Variants in VPS37A observed in about 807,000 individuals in gnomAD.
The protein encoded by VPS37A is vacuolar protein sorting-associated protein 37A.
A neutral mutation model predicts 49.8 loss-of-function variants in VPS37A; 30 were observed. The observed-to-expected ratio is 0.60, with a 90% CI of 0.45 to 0.82. The LOEUF is 0.82. Among genes scored for constraint, VPS37A ranks in the 40% least tolerant of loss-of-function variants. VPS37A has a pLI of 0.00. For missense variants in VPS37A, 593 were observed against 464.4 expected, an observed-to-expected ratio of 1.28 and a Z score of -2.55; for synonymous variants, 195 against 160.6, an observed-to-expected ratio of 1.21 and a Z score of -1.62.
chr8:17,290,572 C>T (rs1816048027), intron 11 of VPS37A, among the ~76,000 whole-genome samples: 1 of 152,160 alleles, frequency 6.6e-6, no homozygotes, highest in Non-Finnish European at 1.5e-5. Context: ...CTGCTGGATT[C>T]AGTTTGCCAG....
chr8:17,248,527 C>G (rs1339538084), intron 1 of VPS37A: 1 of 352,590 alleles, frequency 2.8e-6, no homozygotes, highest in African/African-American at 2.1e-5. Context: ...CCACCCGCTT[C>G]GGCCTCCCAA....
Position 17,246,959 on chromosome 8 carries a change from C to A in VPS37A, c.-286C>A, listed in dbSNP as rs1235105549. ...TGACGGCGGCGCGGGTGGTGGAGCGCTGGGCGGCCAGGCTCCCTGGCTGGC... is the reference window on the plus strand; with the variant it reads ...TGACGGCGGCGCGGGTGGTGGAGCGATGGGCGGCCAGGCTCCCTGGCTGGC... On this transcript the variant is annotated 5_prime_UTR_variant, in exon 1 of 12. It adds an upstream start codon to the 5' untranslated region. Transcript: ENST00000324849. 2.2e-6 allele frequency: 1 copy of A among 448,354 alleles called. No homozygotes were observed. Among genetic ancestry groups the A allele is most frequent in the Non-Finnish European group, 4.0e-6 (1 of 248,162 alleles). The allele number at this position is 448,354 out of a possible 1,614,324, so 27.8% of individuals were successfully genotyped here.
chr8:17,265,877 G>T (rs1218631185), intron 1 of VPS37A, 30 bp from the exon 2 acceptor site: 26 of 1,612,444 alleles, frequency 1.6e-5, no homozygotes, highest in South Asian at 2.2e-5. Context: ...TCATGACTTT[G>T]GGTAAATTTT....
the VPS37A span, chr8:17,313,180 C>A: frequency 1.5e-6 from 1 of 674,192 alleles, no homozygotes; most frequent in Non-Finnish European, 2.5e-6. Context: ...GCTGGCTATC[C>A]AGTCAGTGCA....
At chr8:17,303,721 T>C (rs1294438674), downstream of VPS37A, among the ~76,000 whole-genome samples, 1 of 152,082 alleles carries the variant, frequency 6.6e-6, no homozygotes, top group African/African-American at 2.4e-5. Flanking sequence ...GTGATTCTCC[T>C]GTCTCAGCCT....
chr8:17,331,122 T>G, the VPS37A span: 1 of 1,596,334 alleles, frequency 6.3e-7, no homozygotes, highest in Non-Finnish European at 8.5e-7. Flanking sequence ...AACTGCATTT[T>G]AATGCTGTGC....
chr8:17,309,239 T>C, the VPS37A span: 25 of 1,314,522 alleles, frequency 1.9e-5, 1 homozygote, highest in Non-Finnish European at 2.5e-5. Context: ...ACAGTGCTTT[T>C]ATTCTAAACA....
In VPS37A at chr8:17,247,150, C is replaced by T. The variant is rs1487504910; in HGVS notation, c.-95C>T. On this transcript the variant is annotated 5_prime_UTR_variant, in exon 1 of 12. Coordinates refer to ENST00000324849, the MANE Select transcript of VPS37A (RefSeq NM_152415.3). ...CAGCGCTTGGGCCACGGACGTCCCA[C>T]CCCGCTCCTCTGTCGCTGGAGAACC... 4 of 1,522,684 alleles carry T rather than the reference C, an allele frequency of 2.6e-6. No homozygotes were observed. Among genetic ancestry groups the T allele is most frequent in the East Asian group, 2.5e-5 (1 of 40,776 alleles). The allele number at this position is 1,522,684 out of a possible 1,614,324, so 94.3% of individuals were successfully genotyped here.
Position 17,280,254 on chromosome 8 carries a change from T to C in VPS37A, c.857T>C (p.Leu286Ser). The change falls in exon 8 of 12, where the codon TTG becomes TCG. Residue 286 changes from leucine (L) to serine (S), a missense_variant. Transcript: ENST00000324849. ...IEELARKNLL[L>S]EPSLEAKRQT... ...TATCTTACAGGAAAAAATCTCCTTT[T>C]GGAGCCCAGCTTGGAAGCCAAAAGA... is the stretch of plus-strand genomic sequence containing the variant. 2 of 1,612,698 alleles carry C rather than the reference T, an allele frequency of 1.2e-6. No homozygotes were observed. Among genetic ancestry groups the C allele is most frequent in the Non-Finnish European group, 1.7e-6 (2 of 1,179,282 alleles).
intron 6 of VPS37A, among the ~76,000 whole-genome samples, chr8:17,277,530 G>A (rs1279010526): frequency 6.6e-6 from 1 of 151,872 alleles, no homozygotes; most frequent in African/African-American, 2.4e-5. Flanking sequence ...AGCTTTCTTG[G>A]AGGGCTGTAG....
At chr8:17,312,574 C>CAA in the VPS37A span, among the ~76,000 whole-genome samples, 11 of 87,250 alleles carry the variant, frequency 1.3e-4, no homozygotes, top group Non-Finnish European at 2.4e-4. Flanking sequence ...GACTCCCTCT[C>CAA]AAAAAAAAAA....
intron 6 of VPS37A, 125 bp from the exon 7 acceptor site, chr8:17,279,903 A>C: frequency 1.7e-6 from 2 of 1,156,098 alleles, no homozygotes; most frequent in Non-Finnish European, 2.5e-6. Flanking sequence ...TGGCAGCCTT[A>C]GGTGTATATG....
At chr8:17,258,345 T>G (rs892202969) in intron 1 of VPS37A, among the ~76,000 whole-genome samples, 1 of 152,336 alleles carries the variant, frequency 6.6e-6, no homozygotes, top group African/African-American at 2.4e-5. Flanking sequence ...CGATGAGGGT[T>G]GTAATCACAA....
chr8:17,251,894 C>G lies in VPS37A; in HGVS notation c.125+4525C>G, dbSNP rs192887427. Among the ~76,000 whole-genome samples the G allele has an allele frequency of 3.3e-3, 501 of 152,254 alleles. 2 individuals carry two copies. Among genetic ancestry groups the G allele is most frequent in the African/African-American group, 0.011 (475 of 41,550 alleles). On this transcript the variant is annotated intron_variant, in intron 1 of 11. Transcript: ENST00000324849. ...AGTCAGCTCTTGTATAGTTCTCCCCCACAGCTGCTAAGCTTAACGTTTTGA... is the reference window on the plus strand; with the variant it reads ...AGTCAGCTCTTGTATAGTTCTCCCCGACAGCTGCTAAGCTTAACGTTTTGA...
chr8:17,261,319 G>A (rs775305273), intron 1 of VPS37A, among the ~76,000 whole-genome samples: 4 of 152,024 alleles, frequency 2.6e-5, no homozygotes, highest in Admixed American at 2.6e-4. Flanking sequence ...CTGTTTAATT[G>A]TTTATTATTA....
chr8:17,284,850 C>T (rs367764343), intron 10 of VPS37A, among the ~76,000 whole-genome samples: 7 of 152,168 alleles, frequency 4.6e-5, no homozygotes, highest in Admixed American at 3.9e-4. Flanking sequence ...GACAGCCACA[C>T]ACCTTAGCTA....
At chr8:17,302,284 G>GA (rs1476608232), downstream of VPS37A, 2 of 1,612,300 alleles carry the variant, frequency 1.2e-6, no homozygotes, top group African/African-American at 2.7e-5. Flanking sequence ...CCAAAACCTG[G>GA]AAAGGATGGC....
chr8:17,285,224 A>G (rs980111602), intron 10 of VPS37A, among the ~76,000 whole-genome samples: 1 of 152,182 alleles, frequency 6.6e-6, no homozygotes, highest in Non-Finnish European at 1.5e-5. Context: ...TTTTCTGAGT[A>G]TACAAGCAGG....
chr8:17,281,839 T>A (rs998579327), intron 9 of VPS37A, among the ~76,000 whole-genome samples: 4 of 151,992 alleles, frequency 2.6e-5, no homozygotes, highest in Non-Finnish European at 5.9e-5. Context: ...GTAAACCCAA[T>A]GAAGTAAGTT....
Sources: gnomAD v4.1 joint callset for allele counts (sites outside exome capture counted in the v4.1 genomes callset) on GRCh38, gnomAD v4.1.1 for gene constraint, MANE v1.5 for transcripts, NCBI Gene and HGNC (gene_info 2026-07-23, HGNC 2026-07-21) for gene names.